PVT1: variants seen among roughly 807,000 people sequenced by gnomAD.
The protein encoded by PVT1 is CXCR4/PVT1 fusion.
At chr8:127,894,042 G>T (rs1815643616) in intron 3 of PVT1, among the ~76,000 whole-genome samples, 1 of 152,196 alleles carries the variant, frequency 6.6e-6, no homozygotes, top group South Asian at 2.1e-4. Flanking sequence ...CCTGCTTTCA[G>T]CCACTTAGAA....
intron 5 of PVT1, among the ~76,000 whole-genome samples, chr8:128,091,218 G>A (rs139497286): frequency 4.3e-4 from 66 of 151,808 alleles, no homozygotes; most frequent in Middle Eastern, 3.4e-3. Flanking sequence ...CCTGGCAGGC[G>A]TTCATGAGTT....
intron 2 of PVT1, among the ~76,000 whole-genome samples, chr8:127,848,930 A>G (rs1815070868): frequency 6.6e-6 from 1 of 152,196 alleles, no homozygotes; most frequent in Non-Finnish European, 1.5e-5. Flanking sequence ...AGCCCTCCCC[A>G]GGGCATGGTG....
At chr8:127,951,857 C>T (rs1816509180) in intron 3 of PVT1, among the ~76,000 whole-genome samples, 2 of 151,566 alleles carry the variant, frequency 1.3e-5, no homozygotes, top group Non-Finnish European at 2.9e-5. Flanking sequence ...ACTCTGTTGC[C>T]CAGGCTGGAG....
intron 6 of PVT1, among the ~76,000 whole-genome samples, chr8:128,100,466 C>T (rs1233797772): frequency 6.6e-6 from 1 of 152,138 alleles, no homozygotes; most frequent in Non-Finnish European, 1.5e-5. Context: ...GGGGAGCACA[C>T]TTGAGCTGCG....
At chr8:127,854,882 A>C in intron 2 of PVT1, 4 of 310,474 alleles carry the variant, frequency 1.3e-5, no homozygotes, top group Admixed American at 9.9e-5. Flanking sequence ...GGCACAGGGT[A>C]GCATGCTCAG....
At chr8:128,018,098 G>A (rs1168834214) in intron 4 of PVT1, among the ~76,000 whole-genome samples, 1 of 152,186 alleles carries the variant, frequency 6.6e-6, no homozygotes, top group Admixed American at 6.5e-5. Context: ...CCTGTGAGAG[G>A]GGAGTGGTGG....
intron 4 of PVT1, among the ~76,000 whole-genome samples, chr8:128,045,132 G>A (rs778350667): frequency 6.6e-6 from 1 of 152,094 alleles, no homozygotes; most frequent in Non-Finnish European, 1.5e-5. Context: ...CTATCTTAAC[G>A]TCTTTGCTGG....
At chr8:127,976,233 A>T (rs1011959989) in intron 3 of PVT1, among the ~76,000 whole-genome samples, 4 of 152,140 alleles carry the variant, frequency 2.6e-5, no homozygotes, top group Admixed American at 6.5e-5. Flanking sequence ...AGCAGCTTTA[A>T]TTGCCTGTGT....
At chr8:127,967,639 A>C (rs545448865) in intron 3 of PVT1, among the ~76,000 whole-genome samples, 1 of 152,312 alleles carries the variant, frequency 6.6e-6, no homozygotes, top group East Asian at 1.9e-4. Flanking sequence ...GTATTTTCCC[A>C]GCCTACTTTG....
At chr8:127,894,983 C>T (rs61601845) in intron 3 of PVT1, among the ~76,000 whole-genome samples, 1 of 152,218 alleles carries the variant, frequency 6.6e-6, no homozygotes, top group Non-Finnish European at 1.5e-5. Flanking sequence ...CTTTACAATC[C>T]TATAATTTGG....
At chr8:128,031,465 C>T (rs1813387227) in intron 4 of PVT1, among the ~76,000 whole-genome samples, 1 of 152,152 alleles carries the variant, frequency 6.6e-6, no homozygotes, top group South Asian at 2.1e-4. Context: ...TGATTGCCTG[C>T]ACGTTGCCAG....
intron 3 of PVT1, among the ~76,000 whole-genome samples, chr8:127,970,860 A>G (rs1816757913): frequency 6.6e-6 from 1 of 152,234 alleles, no homozygotes. Flanking sequence ...AAAACAGAGC[A>G]GGTTATGACT....
intron 6 of PVT1, among the ~76,000 whole-genome samples, chr8:128,100,221 A>G (rs906261124): frequency 1.5e-5 from 2 of 137,134 alleles, no homozygotes; most frequent in Non-Finnish European, 1.5e-5. Flanking sequence ...GATATTTTAT[A>G]TCTTTATGTA....
chr8:127,937,018 C>G (rs1190838042), intron 3 of PVT1, among the ~76,000 whole-genome samples: 1 of 152,242 alleles, frequency 6.6e-6, no homozygotes, highest in Non-Finnish European at 1.5e-5. Context: ...ATGCTGGTAT[C>G]TAATTTCCTG....
At chr8:128,001,106 G>A (rs1303606530) in intron 4 of PVT1, among the ~76,000 whole-genome samples, 1 of 152,156 alleles carries the variant, frequency 6.6e-6, no homozygotes, top group Non-Finnish European at 1.5e-5. Context: ...GAGGCCCAGG[G>A]CATTGCCACT....
intron 2 of PVT1, among the ~76,000 whole-genome samples, chr8:127,812,216 C>CAGGAAGGCAGGAAGGCAGGAAGGA (rs1488421261): frequency 2.4e-5 from 3 of 126,972 alleles, no homozygotes; most frequent in East Asian, 4.4e-4. Flanking sequence ...GGAGGAAAGG[C>CAGGAAGGCAGGAAGGCAGGAAGGA]AGGAAGGCAG....
intron 3 of PVT1, among the ~76,000 whole-genome samples, chr8:127,934,694 C>G (rs533631021): frequency 6.6e-6 from 1 of 151,608 alleles, no homozygotes; most frequent in African/African-American, 2.4e-5. Context: ...AGATTTCTAA[C>G]AGGATGAAGA....
chr8:127,933,564 G>A (rs1278767821), intron 3 of PVT1, among the ~76,000 whole-genome samples: 2 of 152,206 alleles, frequency 1.3e-5, no homozygotes, highest in Non-Finnish European at 2.9e-5. Context: ...GATGTGTGCT[G>A]TGTACAGGGT....
chr8:127,926,318 G>A (rs926621196), intron 3 of PVT1, among the ~76,000 whole-genome samples: 1 of 152,180 alleles, frequency 6.6e-6, no homozygotes, highest in Non-Finnish European at 1.5e-5. Flanking sequence ...TGTAGTGGTT[G>A]TTGTTGAAGG....
Sources: allele counts gnomAD v4.1 joint callset (sites outside exome capture counted in the v4.1 genomes callset), GRCh38; gene constraint gnomAD v4.1.1; transcripts MANE v1.5; gene names NCBI Gene and HGNC (gene_info 2026-07-23, HGNC 2026-07-21).